The following SVIL variants were observed in gnomAD, a reference collection of about 807,000 sequenced individuals.
SVIL encodes supervillin.
In SVIL, 101 loss-of-function variants were observed where a neutral mutation model predicts 240.4. That is an observed-to-expected ratio of 0.42 (90% CI 0.36 to 0.50). The LOEUF is 0.50. Among genes scored for constraint, SVIL ranks in the 20% least tolerant of loss-of-function variants. The pLI, the probability that SVIL is intolerant of heterozygous loss-of-function variation, is 0.01. For missense variants in SVIL, 2,512 were observed against 2,818.7 expected, an observed-to-expected ratio of 0.89 and a Z score of 2.46; for synonymous variants, 999 against 1,100.0, an observed-to-expected ratio of 0.91 and a Z score of 1.82.
Position 29,509,322 on chromosome 10 carries a change from AGGGGGAGG to A in SVIL, c.3516+3405_3516+3412del, listed in dbSNP as rs367638271. 9.1e-3 allele frequency among the ~76,000 whole-genome samples: 1,006 copies of A among 110,088 alleles called. 18 individuals are homozygous for A. The highest frequency in any genetic ancestry group is 0.021 in the South Asian group (60 of 2,884). 72.2% of individuals were successfully genotyped at this position (110,088 alleles called of 152,430 possible). Reference sequence around the variant, plus strand: ...GAGGGGGAGAGAGAAAGGGAGAAGGAGGGGGAGGGAGAGAGAGAGAGAGAGAGAGAGAG... The same window carrying A: ...GAGGGGGAGAGAGAAAGGGAGAAGGAGAGAGAGAGAGAGAGAGAGAGAGAG... On this transcript the variant is annotated intron_variant, in intron 17 of 37. Coordinates refer to ENST00000355867, the MANE Select transcript of SVIL (RefSeq NM_021738.3).
At chr10:29,563,597 CCTAAGAAT>C (rs1246272718) in intron 2 of SVIL, among the ~76,000 whole-genome samples, 3 of 152,096 alleles carry the variant, frequency 2.0e-5, no homozygotes, top group African/African-American at 7.2e-5. Context: ...CTCTTCTTGA[CCTAAGAAT>C]AGCTGTGCAA....
At chr10:29,470,184 G>A in intron 32 of SVIL, 92 bp downstream of exon 32, 1 of 1,433,370 alleles carries the variant, frequency 7.0e-7, no homozygotes, top group Non-Finnish European at 9.8e-7. Flanking sequence ...CAGCACCCTG[G>A]GATCTGCTGG....
intron 1 of SVIL, among the ~76,000 whole-genome samples, chr10:29,731,353 C>T (rs1256359313): frequency 6.6e-6 from 1 of 152,220 alleles, no homozygotes; most frequent in Non-Finnish European, 1.5e-5. Context: ...TTCTTATAAA[C>T]TGAAGTTTTC....
intron 2 of SVIL, among the ~76,000 whole-genome samples, chr10:29,566,792 T>G (rs1955003608): frequency 1.3e-5 from 2 of 152,132 alleles, no homozygotes; most frequent in Admixed American, 1.3e-4. Context: ...ACATGACCAG[T>G]GACCCCAAAA....
chr10:29,545,557 T>C (rs1196225868), intron 6 of SVIL, among the ~76,000 whole-genome samples: 1 of 152,120 alleles, frequency 6.6e-6, no homozygotes. Context: ...GGATCACCAC[T>C]AGAAAATGAG....
intron 1 of SVIL, among the ~76,000 whole-genome samples, chr10:29,726,763 A>G (rs1459762633): frequency 6.6e-6 from 1 of 152,166 alleles, no homozygotes; most frequent in African/African-American, 2.4e-5. Context: ...AAAAGTGCTA[A>G]TTAAAATAAG....
At chr10:29,732,320 A>G (rs981205272) in intron 1 of SVIL, among the ~76,000 whole-genome samples, 4 of 152,136 alleles carry the variant, frequency 2.6e-5, no homozygotes, top group African/African-American at 9.6e-5. Context: ...TGTTTAAAAG[A>G]GCAAAACCCA....
At chr10:29,608,074 A>G (rs1009495354) in intron 1 of SVIL, among the ~76,000 whole-genome samples, 26 of 152,210 alleles carry the variant, frequency 1.7e-4, no homozygotes, top group African/African-American at 5.1e-4. Flanking sequence ...CTCTATGCAC[A>G]GCCCTGGATT....
chr10:29,562,090 A>G (rs758102409), intron 3 of SVIL, among the ~76,000 whole-genome samples: 11 of 152,078 alleles, frequency 7.2e-5, no homozygotes, highest in Non-Finnish European at 1.6e-4. Flanking sequence ...TTTTTGTTCT[A>G]ATTTCTTTGG....
In SVIL at chr10:29,634,448, C is replaced by CT. The variant is rs1316466125; in HGVS notation, c.-230dup. 1 of 152,102 alleles carries CT rather than the reference C, an allele frequency of 6.6e-6. No individual in the cohort carries two copies. Among genetic ancestry groups the CT allele is most frequent in the Non-Finnish European group, 1.5e-5 (1 of 68,020 alleles). 9.4% of individuals were successfully genotyped at this position (152,102 alleles called of 1,614,324 possible). On this transcript the variant is annotated 5_prime_UTR_variant, in exon 1 of 38. Coordinates refer to ENST00000355867, the MANE Select transcript of SVIL (RefSeq NM_021738.3). ...AAATTTCTGTATAATCCTCGTTCCTCTAAGTTAAAGGGGGAAAGAAAATCA... is the reference window on the plus strand; with the variant it reads ...AAATTTCTGTATAATCCTCGTTCCTCTTAAGTTAAAGGGGGAAAGAAAATCA...
chr10:29,605,544 T>G (rs1479073342), intron 1 of SVIL, among the ~76,000 whole-genome samples: 5 of 152,078 alleles, frequency 3.3e-5, no homozygotes, highest in Non-Finnish European at 7.4e-5. Context: ...GTTCAGATCT[T>G]TTGTCTATTT....
chr10:29,585,828 C>T (rs556324468), intron 1 of SVIL, among the ~76,000 whole-genome samples: 68 of 152,362 alleles, frequency 4.5e-4, no homozygotes, highest in Non-Finnish European at 4.4e-4. Context: ...CGTCTGTCTT[C>T]CCGGCAGGTG....
At chr10:29,719,667 A>C (rs974211150) in intron 1 of SVIL, among the ~76,000 whole-genome samples, 7 of 152,258 alleles carry the variant, frequency 4.6e-5, no homozygotes, top group Non-Finnish European at 1.0e-4. Context: ...TAATATCTAC[A>C]ATGTGCGAGA....
chr10:29,508,444 G>C, intron 17 of SVIL: 1 of 1,272,076 alleles, frequency 7.9e-7, no homozygotes, highest in Non-Finnish European at 1.0e-6. Context: ...GAAGAGCCTG[G>C]TCAGGGCATC....
chr10:29,550,956 C>T lies in SVIL; in HGVS notation c.468G>A (p.Gln156=). Residue 156 remains glutamine (Q), a synonymous_variant, in exon 6 of 38, where the codon CAG becomes CAA. Transcript: ENST00000355867. The part of the protein sequence containing the change: ...VEKRGGKSDK[Q]EESSRDASSL... ...AACTAGCATCTCTGCTTGACTCTTCCTGTTTGTCACTTTTTCCTCCCCGCT... is the reference window on the plus strand; with the variant it reads ...AACTAGCATCTCTGCTTGACTCTTCTTGTTTGTCACTTTTTCCTCCCCGCT... 1 of 1,614,142 alleles carries T rather than the reference C, an allele frequency of 6.2e-7. No homozygotes were observed. Among genetic ancestry groups the T allele is most frequent in the African/African-American group, 1.3e-5 (1 of 75,040 alleles).
chr10:29,703,306 G>T (rs1439828403), intron 1 of SVIL, among the ~76,000 whole-genome samples: 1 of 152,210 alleles, frequency 6.6e-6, no homozygotes, highest in African/African-American at 2.4e-5. Context: ...AACGCCAGAT[G>T]CTGAGCATTT....
intron 1 of SVIL, among the ~76,000 whole-genome samples, chr10:29,708,278 A>AAT (rs1312031990): frequency 6.7e-6 from 1 of 150,320 alleles, no homozygotes; most frequent in Non-Finnish European, 1.5e-5. Flanking sequence ...AAAAAAAAAA[A>AAT]AATGTACAAA....
At chr10:29,701,097 T>C (rs74816306) in intron 1 of SVIL, among the ~76,000 whole-genome samples, 2,554 of 152,280 alleles carry the variant, frequency 0.017, 42 homozygotes, top group Admixed American at 0.036. Context: ...GCCTGCATTA[T>C]ACCCCTCTAT....
chr10:29,721,257 C>CAA lies in SVIL; in HGVS notation c.-400+14492_-400+14493dup, dbSNP rs77401405. 5.7e-4 allele frequency among the ~76,000 whole-genome samples: 85 copies of CAA among 150,134 alleles called. 1 individual carries two copies. Among genetic ancestry groups the CAA allele is most frequent in the African/African-American group, 2.0e-3 (82 of 40,998 alleles). On this transcript the variant is annotated intron_variant, in intron 1 of 35. Transcript: ENST00000375400. Reference sequence around the variant, plus strand: ...TTACAAAAACAAACAAACAAACAAACAAAAAAACACCTCAATCCAAAAGAA... The same window carrying CAA: ...TTACAAAAACAAACAAACAAACAAACAAAAAAAAACACCTCAATCCAAAAGAA...
Sources: gnomAD v4.1 joint callset for allele counts (sites outside exome capture counted in the v4.1 genomes callset) on GRCh38, gnomAD v4.1.1 for gene constraint, MANE v1.5 for transcripts, NCBI Gene and HGNC (gene_info 2026-07-23, HGNC 2026-07-21) for gene names.